OR2AT4: variants seen among roughly 807,000 people sequenced by gnomAD.
The protein encoded by OR2AT4 is olfactory receptor 2AT4.
Under a neutral mutation model 10.3 loss-of-function variants are expected in OR2AT4, and 6 were observed. That is an observed-to-expected ratio of 0.58 (90% CI 0.32 to 1.15). The LOEUF (loss-of-function observed/expected upper bound fraction) is 1.15. Among genes scored for constraint, OR2AT4 ranks in the 50% most tolerant of loss-of-function variants. The pLI is 0.05. For synonymous variants in OR2AT4, 145 were observed against 159.1 expected (o/e 0.91, Z 0.67); for missense variants, 354 against 393.8 (o/e 0.90, Z 0.85).
chr11:75,086,973 A>T (rs1051033863), exon 2 of OR2AT4: 2 of 152,144 alleles, frequency 1.3e-5, no homozygotes, highest in African/African-American at 2.4e-5. Context: ...ACCTTTTTAG[A>T]TTGGCTTCTT....
exon 2 of OR2AT4, chr11:75,085,787 T>C (rs1003514211): frequency 6.6e-6 from 1 of 152,108 alleles, no homozygotes; most frequent in African/African-American, 2.4e-5. Flanking sequence ...GTCCCAAATT[T>C]AATCTATAGA....
exon 2 of OR2AT4, chr11:75,086,081 T>G (rs181127093): frequency 7.2e-5 from 11 of 152,228 alleles, no homozygotes; most frequent in Non-Finnish European, 1.5e-4. Context: ...GGCAATTTGA[T>G]AGATAAAGAA....
chr11:75,084,391 T>C (rs1949280253), exon 2 of OR2AT4: 1 of 152,104 alleles, frequency 6.6e-6, no homozygotes, highest in South Asian at 2.1e-4. Context: ...AAGGGAGAAA[T>C]GGACAAATCC....
In OR2AT4 at chr11:75,090,187, G is replaced by A. The variant is rs188567508; in HGVS notation, c.-474C>T. On this transcript the variant is annotated 5_prime_UTR_variant, in exon 2 of 2. Coordinates refer to ENST00000641504, the Ensembl canonical transcript of OR2AT4. ...CAGATCTCATAAATCAAGTCCTTAA[G>A]CTCATGTCTCTACTTTTGTACTCAC... The A allele has an allele frequency of 5.6e-3, 904 of 161,384 alleles. 6 individuals carry two copies. The highest frequency in any genetic ancestry group is 0.021 in the African/African-American group (856 of 41,596). The allele number at this position is 161,384 out of a possible 1,614,324, so 10.0% of individuals were successfully genotyped here.
chr11:75,095,729 G>A (rs553305362), intron 1 of OR2AT4, among the ~76,000 whole-genome samples: 1 of 146,312 alleles, frequency 6.8e-6, no homozygotes, highest in Admixed American at 7.0e-5. Flanking sequence ...CCAGGCTGGA[G>A]TGCAGTGGCA....
exon 2 of OR2AT4, chr11:75,086,959 T>C (rs1455241272): frequency 6.6e-6 from 1 of 152,232 alleles, no homozygotes; most frequent in East Asian, 1.9e-4. Context: ...TCATACATTA[T>C]GTAACCTTTT....
chr11:75,089,617 A>G (rs973318698), exon 2 of OR2AT4: 2 of 1,614,118 alleles, frequency 1.2e-6, no homozygotes. Flanking sequence ...AAAATAAAAA[A>G]CACAGGGAGG....
At chr11:75,084,179 A>G (rs1949279531) in exon 2 of OR2AT4, 1 of 152,182 alleles carries the variant, frequency 6.6e-6, no homozygotes, top group South Asian at 2.1e-4. Context: ...GATGGCAACA[A>G]TAGACACTGG....
intron 1 of OR2AT4, among the ~76,000 whole-genome samples, chr11:75,092,902 C>A (rs985345908): frequency 6.6e-6 from 1 of 151,562 alleles, no homozygotes; most frequent in South Asian, 2.1e-4. Context: ...GAGTTTGAGA[C>A]CAGCCTGACC....
exon 2 of OR2AT4, chr11:75,088,518 CT>C (rs1949300558): frequency 1.7e-5 from 6 of 350,704 alleles, no homozygotes; most frequent in Non-Finnish European, 3.1e-5. Flanking sequence ...TTGCCTTTCC[CT>C]GTGATACGTT....
chr11:75,085,023 AT>A (rs1156926435), exon 2 of OR2AT4: 2 of 152,118 alleles, frequency 1.3e-5, no homozygotes, highest in Non-Finnish European at 1.5e-5. Flanking sequence ...AGGAAAAAAA[AT>A]ATAAAGATTA....
chr11:75,088,729 CAG>C, exon 2 of OR2AT4: 1 of 1,531,534 alleles, frequency 6.5e-7, no homozygotes, highest in East Asian at 2.3e-5. Flanking sequence ...GTCCTGGAAG[CAG>C]AGTTAGCTGC....
chr11:75,091,166 C>T (rs998873451), intron 1 of OR2AT4, among the ~76,000 whole-genome samples: 3 of 152,216 alleles, frequency 2.0e-5, no homozygotes, highest in Non-Finnish European at 4.4e-5. Flanking sequence ...GCCTACCTTA[C>T]TCTACCTGCC....
chr11:75,087,647 T>C (rs929541874), exon 2 of OR2AT4: 4 of 152,222 alleles, frequency 2.6e-5, no homozygotes, highest in Admixed American at 6.5e-5. Flanking sequence ...ATGTGATTTT[T>C]CTTGTCCTTT....
At chr11:75,092,404 A>C (rs544983822) in intron 1 of OR2AT4, among the ~76,000 whole-genome samples, 72 of 152,334 alleles carry the variant, frequency 4.7e-4, no homozygotes, top group African/African-American at 1.6e-3. Context: ...CATTTGTTTA[A>C]GGTACTCACG....
chr11:75,096,168 A>G (rs1472410273), intron 1 of OR2AT4: 2 of 152,202 alleles, frequency 1.3e-5, no homozygotes, highest in African/African-American at 4.8e-5. Context: ...CATCTATAAA[A>G]TGAGGACTTT....
In OR2AT4 at chr11:75,093,916, G is replaced by A. The variant is rs544183379; in HGVS notation, c.-652+2912C>T. On this transcript the variant is annotated intron_variant, in intron 1 of 1. Coordinates refer to ENST00000641504, the Ensembl canonical transcript of OR2AT4. ...GGCTCACTGCAACCTCTGCCCTCCC[G>A]GGTTCAAGTGATTCGTGTGCCTCAG... Among the ~76,000 whole-genome samples, 106 of 144,866 alleles carry A rather than the reference G, an allele frequency of 7.3e-4. 1 individual carries two copies. Among genetic ancestry groups the A allele is most frequent in the African/African-American group, 5.2e-4 (20 of 38,202 alleles).
Position 75,089,773 on chromosome 11 carries a change from A to C in OR2AT4, c.-60T>G. ...GCTGGAACATCTAGACATTGGAAAC[A>C]TCTGGAAACCATAGAAACAAAGGAT... On this transcript the variant is annotated 5_prime_UTR_variant, in exon 2 of 2. The change abolishes an upstream ATG in the 5' untranslated region. Transcript: ENST00000641504. The C allele has an allele frequency of 6.6e-7, 1 of 1,518,030 alleles. No homozygotes were observed. The highest frequency in any genetic ancestry group is 8.9e-7 in the Non-Finnish European group (1 of 1,126,266). The allele number at this position is 1,518,030 out of a possible 1,614,324, so 94.0% of individuals were successfully genotyped here. A position where few individuals can be genotyped will look rare whatever the true frequency, so the allele number is the denominator to read the frequency against.
At chr11:75,089,350 C>A (rs1376150332) in exon 2 of OR2AT4, 7 of 1,614,040 alleles carry the variant, frequency 4.3e-6, no homozygotes, top group African/African-American at 1.3e-5. Context: ...TAGGCCATGA[C>A]CACCAGGATG....
Sources: gnomAD v4.1 joint callset for allele counts (sites outside exome capture counted in the v4.1 genomes callset) on GRCh38, gnomAD v4.1.1 for gene constraint, MANE v1.5 for transcripts, NCBI Gene and HGNC (gene_info 2026-07-23, HGNC 2026-07-21) for gene names.